The following ITGA8 variants were observed in gnomAD, a reference collection of about 807,000 sequenced individuals.
ITGA8 encodes integrin subunit alpha 8.
In ITGA8, 91 loss-of-function variants were observed where a neutral mutation model predicts 142.3. The ratio of observed to expected loss-of-function variants is 0.64; its 90% confidence interval spans 0.54 to 0.76. The LOEUF (loss-of-function observed/expected upper bound fraction) is 0.76. Ranked by LOEUF, ITGA8 falls within the 30% of genes least tolerant of loss-of-function variation. The probability of loss-of-function intolerance (pLI) is 0.00; values close to 1 mark genes in which losing one functional copy is unlikely to be tolerated. For missense variants in ITGA8, 1,406 were observed against 1,327.7 expected (o/e 1.06, Z -0.92); for synonymous variants, 505 against 485.2 (o/e 1.04, Z -0.54).
chr10:15,585,723 C>T (rs759372704), intron 23 of ITGA8, among the ~76,000 whole-genome samples: 29 of 152,150 alleles, frequency 1.9e-4, no homozygotes, highest in Non-Finnish European at 3.4e-4. Flanking sequence ...CTTTTTCCCC[C>T]AGGCATGGAT....
Position 15,677,169 on chromosome 10 carries a change from G to A in ITGA8, c.676+423C>T, listed in dbSNP as rs1834645799. 2.0e-5 allele frequency among the ~76,000 whole-genome samples: 3 copies of A among 152,184 alleles called. No homozygotes were observed. The South Asian group carries it at 6.2e-4, about 32-fold the overall frequency. On this transcript the variant is annotated intron_variant, in intron 6 of 29. Transcript: ENST00000378076. The stretch of plus-strand genomic sequence containing the variant: ...GAGATTCAGGTATAGCCAGAGATGG[G>A]TTAATGTACACAAAAGTACAGCCTG...
At chr10:15,710,800 G>A (rs373468627) in intron 2 of ITGA8, among the ~76,000 whole-genome samples, 91 of 152,316 alleles carry the variant, frequency 6.0e-4, no homozygotes, top group African/African-American at 2.0e-3. Context: ...TTCCACTGCT[G>A]TACCTGGGGT....
chr10:15,652,665 A>C (rs549612523), intron 11 of ITGA8, among the ~76,000 whole-genome samples: 79 of 152,362 alleles, frequency 5.2e-4, no homozygotes, highest in African/African-American at 1.7e-3. Flanking sequence ...TTTACAACTT[A>C]GATAACTGAA....
chr10:15,599,216 T>C (rs1335695197), intron 20 of ITGA8, among the ~76,000 whole-genome samples: 1 of 152,142 alleles, frequency 6.6e-6, no homozygotes, highest in African/African-American at 2.4e-5. Flanking sequence ...CCCTTTTTCT[T>C]TTTTTAGGCA....
rs549347936 is a variant in ITGA8, at chr10:15,664,316, T to G, written c.848-3394A>C. On this transcript the variant is annotated intron_variant, in intron 8 of 29. Coordinates refer to ENST00000378076, the MANE Select transcript of ITGA8 (RefSeq NM_003638.3). ...TTTTAATACCTTGAAGAAGACATAA[T>G]GAGAGGACAAGTCCTTTATGAATTA... Among the ~76,000 whole-genome samples, 3 of 152,230 alleles carry G rather than the reference T, an allele frequency of 2.0e-5. No individual in the cohort carries two copies. In the South Asian group the frequency reaches 6.2e-4, roughly 32 times the overall value.
At chr10:15,628,507 T>C (rs932997581) in intron 13 of ITGA8, among the ~76,000 whole-genome samples, 3 of 151,696 alleles carry the variant, frequency 2.0e-5, no homozygotes, top group Admixed American at 6.5e-5. Flanking sequence ...TAATTTTTTA[T>C]ATTTTTAGTA....
intron 2 of ITGA8, among the ~76,000 whole-genome samples, chr10:15,696,789 C>G (rs1835059964): frequency 7.1e-6 from 1 of 141,412 alleles, no homozygotes; most frequent in Non-Finnish European, 1.5e-5. Context: ...GGCAGGAGTT[C>G]AAGGCTACAG....
chr10:15,647,035 C>G lies in ITGA8; in HGVS notation c.1018G>C (p.Val340Leu). 2 of 1,613,356 alleles carry G rather than the reference C, an allele frequency of 1.2e-6. No individual in the cohort carries two copies. The highest frequency in any genetic ancestry group is 1.7e-6 in the Non-Finnish European group (2 of 1,179,912). The change falls in exon 12 of 30, where the codon GTT (valine) becomes CTT (leucine). Residue 340 changes from valine (V) to leucine (L), a missense_variant. Physicochemically the swap from Val to Leu is conservative, Grantham distance 32 (BLOSUM62 1). Transcript: ENST00000378076. ...VNSDGLDDVL[V>L]GAPLFMEREF... ...CGTTCCATAAAGAGAGGTGCCCCAA[C>G]CAGGACATCATCCAGTCTGTAAGGA... is the stretch of plus-strand genomic sequence containing the variant.
intron 2 of ITGA8, among the ~76,000 whole-genome samples, chr10:15,696,327 G>T (rs1220022977): frequency 6.6e-6 from 1 of 152,136 alleles, no homozygotes; most frequent in African/African-American, 2.4e-5. Flanking sequence ...GTGGCAGAAG[G>T]TGATTAACAA....
At chr10:15,696,711 A>T (rs999392975) in intron 2 of ITGA8, among the ~76,000 whole-genome samples, 2 of 152,066 alleles carry the variant, frequency 1.3e-5, no homozygotes, top group Admixed American at 1.3e-4. Flanking sequence ...TTCAGTAGAA[A>T]TAATAACACA....
chr10:15,605,826 G>C (rs1313902723), intron 18 of ITGA8, 35 bp from the exon 19 acceptor site: 1 of 1,588,470 alleles, frequency 6.3e-7, no homozygotes, highest in South Asian at 1.1e-5. Context: ...GAACAATCTA[G>C]GAAAATCTGA....
At chr10:15,607,614 G>GA in intron 17 of ITGA8, 63 bp downstream of exon 17, 2 of 1,499,340 alleles carry the variant, frequency 1.3e-6, no homozygotes, top group Non-Finnish European at 9.3e-7. Flanking sequence ...GTTAAATGGA[G>GA]AAAAATGGTT....
intron 13 of ITGA8, among the ~76,000 whole-genome samples, chr10:15,638,149 A>C (rs1229924905): frequency 6.6e-6 from 1 of 152,222 alleles, no homozygotes; most frequent in Non-Finnish European, 1.5e-5. Context: ...GATTATATAC[A>C]AAACATCTGT....
chr10:15,589,098 A>G (rs1182819735), intron 22 of ITGA8, among the ~76,000 whole-genome samples: 2 of 152,302 alleles, frequency 1.3e-5, no homozygotes, highest in East Asian at 1.9e-4. Context: ...AAGCTGAACT[A>G]TTTAAACTGT....
intron 21 of ITGA8, among the ~76,000 whole-genome samples, chr10:15,596,134 T>C (rs1833008181): frequency 6.6e-6 from 1 of 152,228 alleles, no homozygotes; most frequent in Non-Finnish European, 1.5e-5. Context: ...AGGACTATGA[T>C]AGTGAAAAAT....
At chr10:15,578,722 T>A (rs1189815057) in intron 23 of ITGA8, among the ~76,000 whole-genome samples, 1 of 152,094 alleles carries the variant, frequency 6.6e-6, no homozygotes, top group Non-Finnish European at 1.5e-5. Flanking sequence ...ACCTCAGCTG[T>A]TCATGTTTGT....
chr10:15,548,402 G>C (rs1157487729), intron 27 of ITGA8, 53 bp downstream of exon 27: 1 of 1,253,182 alleles, frequency 8.0e-7, no homozygotes. Context: ...CTGAGCTTTT[G>C]TGAAGCAGCT....
chr10:15,657,364 C>G (rs1427910047), intron 10 of ITGA8, among the ~76,000 whole-genome samples: 6 of 152,118 alleles, frequency 3.9e-5, no homozygotes, highest in Non-Finnish European at 8.8e-5. Context: ...TCTTATTTCT[C>G]CAAACCTTCC....
At chr10:15,660,760 A>T in intron 9 of ITGA8, 119 bp downstream of exon 9, 1 of 792,376 alleles carries the variant, frequency 1.3e-6, no homozygotes, top group South Asian at 1.6e-5. Context: ...TAGGTGTATT[A>T]AGTGTGTTTT....
Sources: gnomAD v4.1 joint callset for allele counts (sites outside exome capture counted in the v4.1 genomes callset) on GRCh38, gnomAD v4.1.1 for gene constraint, MANE v1.5 for transcripts, NCBI Gene and HGNC (gene_info 2026-07-23, HGNC 2026-07-21) for gene names.